The following MAP3K7 variants were observed in gnomAD, a reference collection of about 807,000 sequenced individuals.
The protein encoded by MAP3K7 is TGF-beta activated kinase 1.
A neutral mutation model predicts 84.8 loss-of-function variants in MAP3K7; 21 were observed. The ratio of observed to expected loss-of-function variants is 0.25; its 90% CI spans 0.18 to 0.36. The LOEUF is 0.36. Among genes scored for constraint, MAP3K7 ranks in the 10% least tolerant of loss-of-function variants. The pLI is 1.00. For missense variants in MAP3K7, 503 were observed against 747.7 expected, an observed-to-expected ratio of 0.67 and a Z score of 3.82; for synonymous variants, 241 against 247.7, an observed-to-expected ratio of 0.97 and a Z score of 0.25.
chr6:90,582,796 AGTT>A (rs1309498931), intron 1 of MAP3K7, among the ~76,000 whole-genome samples: 1 of 151,716 alleles, frequency 6.6e-6, no homozygotes. Flanking sequence ...TGTGGTCTAT[AGTT>A]AACTGTTCTG....
intron 1 of MAP3K7, among the ~76,000 whole-genome samples, chr6:90,572,180 G>A (rs923018579): frequency 1.3e-5 from 2 of 151,744 alleles, no homozygotes; most frequent in South Asian, 4.2e-4. Context: ...CAAAAAGCAG[G>A]AACATATAAT....
intron 13 of MAP3K7, among the ~76,000 whole-genome samples, chr6:90,535,001 T>C (rs1775621370): frequency 6.6e-6 from 1 of 152,070 alleles, no homozygotes; most frequent in African/African-American, 2.4e-5. Context: ...TTCTGGGGTC[T>C]TACAAAAACA....
chr6:90,564,907 T>C (rs1430935125), intron 3 of MAP3K7, among the ~76,000 whole-genome samples: 2 of 152,122 alleles, frequency 1.3e-5, no homozygotes, highest in Non-Finnish European at 2.9e-5. Flanking sequence ...GACTCAGGAT[T>C]AAGAAACTCA....
At chr6:90,528,764 T>C (rs1257584930) in intron 13 of MAP3K7, among the ~76,000 whole-genome samples, 1 of 152,174 alleles carries the variant, frequency 6.6e-6, no homozygotes, top group Non-Finnish European at 1.5e-5. Context: ...AACAATCTAA[T>C]TATACTTTTA....
In MAP3K7 at chr6:90,553,600, A is replaced by C; in HGVS notation, c.608-14T>G. ...TGTAATTACTACCTAGAAAAAAAAA[A>C]GGTAGTATATAACCTAAAGACTATT... is the stretch of plus-strand genomic sequence containing the variant. On this transcript the variant is annotated splice_polypyrimidine_tract_variant and intron_variant, in intron 6 of 16. Coordinates refer to ENST00000369329, the MANE Select transcript of MAP3K7 (RefSeq NM_145331.3). 2 of 1,593,518 alleles carry C rather than the reference A, an allele frequency of 1.3e-6. No homozygotes were observed. The highest frequency in any genetic ancestry group is 2.3e-5 in the South Asian group (2 of 86,958).
At chr6:90,556,874 T>C (rs1349931881) in intron 5 of MAP3K7, among the ~76,000 whole-genome samples, 1 of 152,164 alleles carries the variant, frequency 6.6e-6, no homozygotes. Flanking sequence ...GATGTCTTCA[T>C]CTCTAGCTCC....
At chr6:90,537,249 T>C (rs1740799146) in intron 12 of MAP3K7, 2 of 151,980 alleles carry the variant, frequency 1.3e-5, no homozygotes, top group African/African-American at 2.4e-5. Flanking sequence ...TAACAGCTGA[T>C]ACAATACTCA....
chr6:90,518,221 AAAC>A lies in MAP3K7; in HGVS notation c.1640+223_1640+225del, dbSNP rs199878259. Among the ~76,000 whole-genome samples the A allele has an allele frequency of 4.6e-3, 694 of 151,900 alleles. 8 individuals carry two copies. The highest frequency in any genetic ancestry group is 0.016 in the African/African-American group (659 of 41,548). On this transcript the variant is annotated intron_variant, in intron 16 of 16. Transcript: ENST00000369329. ...AAGTCTAAACAGCTCTGAGAACATA[AAAC>A]AACAAGTATAAAGCACCAGTTTATT...
At chr6:90,571,200 T>C (rs1022021872) in intron 2 of MAP3K7, among the ~76,000 whole-genome samples, 1 of 152,096 alleles carries the variant, frequency 6.6e-6, no homozygotes, top group African/African-American at 2.4e-5. Context: ...ATATGCTAAT[T>C]TCATGATTAT....
intron 3 of MAP3K7, 63 bp from the exon 4 acceptor site, chr6:90,561,730 G>T: frequency 8.7e-7 from 1 of 1,145,060 alleles, no homozygotes; most frequent in Non-Finnish European, 1.3e-6. Flanking sequence ...GCCTTTGAGA[G>T]AGAATTTAAT....
chr6:90,570,472 T>C (rs1243310191), intron 2 of MAP3K7, among the ~76,000 whole-genome samples: 2 of 152,130 alleles, frequency 1.3e-5, no homozygotes, highest in South Asian at 2.1e-4. Context: ...AATGACTATC[T>C]CTTATCATCC....
intron 1 of MAP3K7, among the ~76,000 whole-genome samples, chr6:90,576,846 G>T (rs1263440421): frequency 6.6e-6 from 1 of 152,154 alleles, no homozygotes; most frequent in East Asian, 1.9e-4. Flanking sequence ...TATAGTGGAG[G>T]AAGGGAAGAG....
intron 5 of MAP3K7, among the ~76,000 whole-genome samples, chr6:90,558,688 A>G (rs1041368726): frequency 6.6e-6 from 1 of 152,228 alleles, no homozygotes; most frequent in African/African-American, 2.4e-5. Flanking sequence ...GTGTAGTTGG[A>G]TGAAGATTAG....
At chr6:90,517,133 C>T (rs1247047710) in intron 16 of MAP3K7, among the ~76,000 whole-genome samples, 1 of 151,746 alleles carries the variant, frequency 6.6e-6, no homozygotes, top group Non-Finnish European at 1.5e-5. Flanking sequence ...AATTTGCAAT[C>T]TAATTAAAAT....
chr6:90,560,001 G>A (rs773834416), intron 5 of MAP3K7, 75 bp downstream of exon 5: 4 of 1,541,548 alleles, frequency 2.6e-6, no homozygotes, highest in Non-Finnish European at 2.7e-6. Context: ...GCTTGAATTA[G>A]AGAGTGGGTT....
At chr6:90,556,957 C>T (rs541095560) in intron 5 of MAP3K7, among the ~76,000 whole-genome samples, 1 of 152,084 alleles carries the variant, frequency 6.6e-6, no homozygotes, top group African/African-American at 2.4e-5. Context: ...GTTAGGTCAA[C>T]ATTACGGTAT....
At position 90,560,232 on chromosome 6, in the gene MAP3K7, A is replaced by T. The variant is rs1480179649; in HGVS notation, c.344-18T>A. Reference sequence around the variant, plus strand: ...ATGCAGCACTGCGAAAGAAAGGCACAAACTAAAAAGAACTTTATTGCATAT... The same window carrying T: ...ATGCAGCACTGCGAAAGAAAGGCACTAACTAAAAAGAACTTTATTGCATAT... On this transcript the variant is annotated intron_variant, in intron 4 of 16. Coordinates refer to ENST00000369329, the MANE Select transcript of MAP3K7 (RefSeq NM_145331.3). 1.9e-6 allele frequency: 3 copies of T among 1,613,848 alleles called. No homozygotes were observed. Among genetic ancestry groups the T allele is most frequent in the Admixed American group, 1.7e-5 (1 of 59,964 alleles).
At position 90,550,458 on chromosome 6, in the gene MAP3K7, A is replaced by C; in HGVS notation, c.949+10T>G. ...AATCAAGTCAATACTCTTCCAATCT[A>C]TCCATTTACCTGTACTGGTGGCAGA... On this transcript the variant is annotated intron_variant, in intron 9 of 16. Coordinates refer to ENST00000369329, the MANE Select transcript of MAP3K7 (RefSeq NM_145331.3). The C allele has an allele frequency of 6.4e-7, 1 of 1,571,706 alleles. No homozygotes were observed. The highest frequency in any genetic ancestry group is 8.7e-7 in the Non-Finnish European group (1 of 1,145,084).
At chr6:90,547,865 C>A (rs1776053236) in intron 10 of MAP3K7, among the ~76,000 whole-genome samples, 182 bp downstream of exon 10, 1 of 152,058 alleles carries the variant, frequency 6.6e-6, no homozygotes. Flanking sequence ...GAAGGAAAAA[C>A]CATTTGGTAA....
Sources: allele counts gnomAD v4.1 joint callset (sites outside exome capture counted in the v4.1 genomes callset), GRCh38; gene constraint gnomAD v4.1.1; transcripts MANE v1.5; gene names NCBI Gene and HGNC (gene_info 2026-07-23, HGNC 2026-07-21).